Variants in SEMA3D observed in about 807,000 individuals in gnomAD.
SEMA3D encodes semaphorin-3D.
A neutral mutation model predicts 100.1 loss-of-function variants in SEMA3D; 84 were observed. The ratio of observed to expected loss-of-function variants is 0.84; its 90% CI spans 0.70 to 1.01. SEMA3D has a LOEUF of 1.01. Among genes scored for constraint, SEMA3D ranks in the 50% least tolerant of loss-of-function variants. The pLI is 0.00. For synonymous variants in SEMA3D, 312 were observed against 320.7 expected, an observed-to-expected ratio of 0.97 and a Z score of 0.29; for missense variants, 875 against 934.1, an observed-to-expected ratio of 0.94 and a Z score of 0.82.
chr7:85,055,401 C>G (rs1791279442), intron 9 of SEMA3D, among the ~76,000 whole-genome samples: 1 of 151,842 alleles, frequency 6.6e-6, no homozygotes, highest in African/African-American at 2.4e-5. Flanking sequence ...AAGAAATAAG[C>G]TGCCAAAGAT....
chr7:85,171,281 C>T (rs1446759205), intron 1 of SEMA3D, among the ~76,000 whole-genome samples: 5 of 151,960 alleles, frequency 3.3e-5, no homozygotes, highest in Non-Finnish European at 7.4e-5. Flanking sequence ...GTGTATTTCC[C>T]ATTTAAATAA....
At chr7:85,240,278 A>G in the SEMA3D span, among the ~76,000 whole-genome samples, 1 of 151,838 alleles carries the variant, frequency 6.6e-6, no homozygotes, top group African/African-American at 2.4e-5. Context: ...TTCTTTTTAG[A>G]TTGTTGATAT....
the SEMA3D span, among the ~76,000 whole-genome samples, chr7:85,211,849 A>G: frequency 6.6e-6 from 1 of 152,100 alleles, no homozygotes; most frequent in Admixed American, 6.6e-5. Flanking sequence ...TAAAAATAAC[A>G]TTATCTTTTC....
At chr7:85,241,708 A>G in the SEMA3D span, among the ~76,000 whole-genome samples, 1 of 151,244 alleles carries the variant, frequency 6.6e-6, no homozygotes, top group Non-Finnish European at 1.5e-5. Flanking sequence ...AAAAAACTAA[A>G]AATTGGGTTC....
Position 85,186,732 on chromosome 7 carries a change from G to A in SEMA3D, c.-227C>T, listed in dbSNP as rs1177538469. The A allele has an allele frequency of 6.6e-6, 1 of 152,314 alleles. No homozygotes were observed. The highest frequency in any genetic ancestry group is 6.5e-5 in the Admixed American group (1 of 15,286). The allele number at this position is 152,314 out of a possible 1,614,324, so 9.4% of individuals were successfully genotyped here. A position where few individuals can be genotyped will look rare whatever the true frequency, so the allele number is the denominator to read the frequency against. On this transcript the variant is annotated 5_prime_UTR_variant, in exon 1 of 19. Transcript: ENST00000284136. ...TTTCCTGGTGCCTTTTCAGGGAGAG[G>A]GGAACGGGATGCAGGCTGAGGTCCA...
chr7:85,241,312 C>T, the SEMA3D span, among the ~76,000 whole-genome samples: 1 of 151,340 alleles, frequency 6.6e-6, no homozygotes, highest in Non-Finnish European at 1.5e-5. Context: ...ACCATTTGAT[C>T]CAGATAGTGG....
At chr7:85,099,747 T>C (rs569857681) in intron 3 of SEMA3D, among the ~76,000 whole-genome samples, 47 of 151,960 alleles carry the variant, frequency 3.1e-4, no homozygotes, top group Non-Finnish European at 6.2e-4. Flanking sequence ...CAGTATCTTA[T>C]TGTTTCAATT....
intron 1 of SEMA3D, among the ~76,000 whole-genome samples, chr7:85,184,919 G>A (rs1468186501): frequency 6.6e-6 from 1 of 152,142 alleles, no homozygotes; most frequent in African/African-American, 2.4e-5. Context: ...GGCCAGCTGG[G>A]GCTGATCACT....
At chr7:85,016,510 C>T (rs1331984275) in intron 15 of SEMA3D, among the ~76,000 whole-genome samples, 1 of 151,630 alleles carries the variant, frequency 6.6e-6, no homozygotes, top group Non-Finnish European at 1.5e-5. Flanking sequence ...CATTTCCATT[C>T]TCTCATACAG....
Position 85,143,900 on chromosome 7 carries a change from G to A in SEMA3D, c.-41+9708C>T, listed in dbSNP as rs532067515. On this transcript the variant is annotated intron_variant, in intron 2 of 18. Transcript: ENST00000284136. ...GAATTTTTGTATTTTTAGTAGAGAC[G>A]GGGTTTCACCATGTTGGCCAGGCTG... Among the ~76,000 whole-genome samples, 4 of 151,812 alleles carry A rather than the reference G, an allele frequency of 2.6e-5. No individual in the cohort carries two copies. The South Asian group carries it at 6.3e-4, about 24-fold the overall frequency.
At chr7:85,203,136 G>C in the SEMA3D span, among the ~76,000 whole-genome samples, 4 of 152,186 alleles carry the variant, frequency 2.6e-5, no homozygotes, top group African/African-American at 7.2e-5. Context: ...ATGGGATTAA[G>C]CTCAGTAGCT....
chr7:85,083,534 T>G lies in SEMA3D; in HGVS notation c.313-1955A>C, dbSNP rs527478794. ...TATTCATCATTGCTGGCAAAAATAC[T>G]GGACTGAGTGCTTCTTAAAAATTGC... On this transcript the variant is annotated intron_variant, in intron 4 of 18. Transcript: ENST00000284136. Among the ~76,000 whole-genome samples, 3 of 152,324 alleles carry G rather than the reference T, an allele frequency of 2.0e-5. No homozygotes were observed. In the South Asian group the frequency reaches 6.2e-4, roughly 32 times the overall value.
intron 4 of SEMA3D, among the ~76,000 whole-genome samples, chr7:85,084,610 T>G (rs1156988951): frequency 2.6e-5 from 4 of 152,158 alleles, no homozygotes; most frequent in African/African-American, 9.7e-5. Context: ...TTTCCTTTCT[T>G]TTTAACTTTT....
chr7:85,240,426 A>C, the SEMA3D span, among the ~76,000 whole-genome samples: 17,260 of 152,056 alleles, frequency 0.11, 2,658 homozygotes, highest in African/African-American at 0.35. Flanking sequence ...GATTTTTGCA[A>C]CCATGTCATG....
At chr7:85,151,824 A>C in intron 2 of SEMA3D, 1 of 701,972 alleles carries the variant, frequency 1.4e-6, no homozygotes, top group Non-Finnish European at 1.7e-6. Context: ...TCCAAATTTT[A>C]GACTGTCTGT....
the SEMA3D span, among the ~76,000 whole-genome samples, chr7:85,192,486 T>C: frequency 6.6e-6 from 1 of 152,096 alleles, no homozygotes; most frequent in South Asian, 2.1e-4. Flanking sequence ...ACTTCTAATC[T>C]TCACCCTTAA....
chr7:85,045,509 A>G (rs1302129679), intron 9 of SEMA3D, among the ~76,000 whole-genome samples: 1 of 151,950 alleles, frequency 6.6e-6, no homozygotes, highest in Non-Finnish European at 1.5e-5. Flanking sequence ...TGCCTTTATT[A>G]TGAGTATCAT....
chr7:85,062,281 G>GAT (rs1437820701), intron 8 of SEMA3D, among the ~76,000 whole-genome samples: 1 of 152,120 alleles, frequency 6.6e-6, no homozygotes, highest in Admixed American at 6.6e-5. Context: ...GACTAGCATG[G>GAT]ATATTATATA....
At chr7:85,215,638 C>T in the SEMA3D span, among the ~76,000 whole-genome samples, 20 of 151,680 alleles carry the variant, frequency 1.3e-4, no homozygotes, top group East Asian at 7.7e-4. Context: ...TTTGTTTCTG[C>T]GGATTATAAC....
Sources: gnomAD v4.1 joint callset for allele counts (sites outside exome capture counted in the v4.1 genomes callset) on GRCh38, gnomAD v4.1.1 for gene constraint, MANE v1.5 for transcripts, NCBI Gene and HGNC (gene_info 2026-07-23, HGNC 2026-07-21) for gene names.